The following PPP2R5B variants were observed in gnomAD, a reference collection of about 807,000 sequenced individuals.
The protein encoded by PPP2R5B is serine/threonine-protein phosphatase 2A 56 kDa regulatory subunit beta isoform.
PPP2R5B carries 19 observed loss-of-function variants against 59.9 expected under a neutral mutation model. That is an observed-to-expected ratio of 0.32 (90% CI 0.22 to 0.47). The LOEUF (loss-of-function observed/expected upper bound fraction) is 0.47, where lower values mean the gene tolerates loss of function less well. PPP2R5B is among the 20% of genes least tolerant of loss of function. The pLI is 1.00. For synonymous variants in PPP2R5B, 286 were observed against 260.5 expected (o/e 1.10, Z -0.94); for missense variants, 441 against 640.2 (o/e 0.69, Z 3.36).
Position 64,924,854 on chromosome 11 carries a change from G to T in PPP2R5B, c.-439G>T, listed in dbSNP as rs1489087464. On this transcript the variant is annotated 5_prime_UTR_variant, in exon 1 of 14. Transcript: ENST00000164133. ...GCCGAGCGCCCAGTCCCGGCCCGGG[G>T]CTGAGTTGGGGGCATGCTCTAGCCG... The T allele has an allele frequency of 6.6e-6, 1 of 152,356 alleles. No homozygotes were observed. The highest frequency in any genetic ancestry group is 1.5e-5 in the Non-Finnish European group (1 of 68,146). The allele number at this position is 152,356 out of a possible 1,614,324, so 9.4% of individuals were successfully genotyped here.
At chr11:64,926,641 G>C in intron 2 of PPP2R5B, 71 bp from the exon 3 acceptor site, 1 of 1,547,570 alleles carries the variant, frequency 6.5e-7, no homozygotes. Flanking sequence ...GATTAGGAGG[G>C]TCTGCCCCAC....
At chr11:64,928,605 C>T (rs1375114419) in intron 6 of PPP2R5B, among the ~76,000 whole-genome samples, 180 bp downstream of exon 6, 4 of 152,156 alleles carry the variant, frequency 2.6e-5, no homozygotes, top group Admixed American at 6.5e-5. Context: ...GGTGAAACCC[C>T]GTCTCTAATA....
chr11:64,919,525 G>A (rs1158618692), intron 1 of PPP2R5B, among the ~76,000 whole-genome samples: 1 of 151,588 alleles, frequency 6.6e-6, no homozygotes, highest in African/African-American at 2.4e-5. Context: ...GATCGCTTGA[G>A]CCCAGGAGTT....
intron 2 of PPP2R5B, 145 bp downstream of exon 2, chr11:64,926,078 C>A: frequency 1.2e-6 from 1 of 833,402 alleles, no homozygotes; most frequent in Non-Finnish European, 1.8e-6. Flanking sequence ...CAGAACTGAC[C>A]CCAGCCCTCC....
chr11:64,930,145 G>A (rs1476442604), intron 6 of PPP2R5B, among the ~76,000 whole-genome samples, 177 bp from the exon 7 acceptor site: 3 of 152,078 alleles, frequency 2.0e-5, no homozygotes, highest in Non-Finnish European at 4.4e-5. Context: ...TTTCAGTGTG[G>A]GGGGGCGGGG....
In PPP2R5B at chr11:64,932,852, T is replaced by C. The variant is rs1945241967; in HGVS notation, c.1204T>C (p.Phe402Leu). The change falls in exon 12 of 14, where the codon TTT becomes CTT. Residue 402 changes from phenylalanine (F) to leucine (L), a missense_variant. Coordinates refer to ENST00000164133, the MANE Select transcript of PPP2R5B (RefSeq NM_006244.4). ...CTGCCACACTGTGCTGCCTGCTGTG[T>C]TTGGGACCCTCTACCAAGTCTCCAA... ...DNCHTVLPAV[F>L]GTLYQVSKEH... The C allele has an allele frequency of 6.2e-7, 1 of 1,614,152 alleles. No homozygotes were observed.
chr11:64,919,769 T>C (rs1474494448), upstream of PPP2R5B, among the ~76,000 whole-genome samples: 2 of 151,828 alleles, frequency 1.3e-5, no homozygotes, highest in Non-Finnish European at 2.9e-5. Context: ...TAAGCCTGTG[T>C]GATGTCCTAG....
rs760561860 is a variant in PPP2R5B, at chr11:64,932,760, C to T, written c.1117-5C>T. On this transcript the variant is annotated splice_region_variant and splice_polypyrimidine_tract_variant and intron_variant, in intron 11 of 13. Coordinates refer to ENST00000164133, the MANE Select transcript of PPP2R5B (RefSeq NM_006244.4). ...TTAATCACTCTGCCATCTTGTCTGC[C>T]CCAGGTTGCAGAGCGGGCTCTGTAT... 5.0e-6 allele frequency: 8 copies of T among 1,613,298 alleles called. No individual in the cohort carries two copies. The East Asian group carries it at 1.6e-4, about 31-fold the overall frequency.
rs572294716 is a variant in PPP2R5B at position 64,930,232 on chromosome 11, C to T, written c.723-90C>T. 5.1e-5 allele frequency: 72 copies of T among 1,398,212 alleles called. No individual in the cohort carries two copies. The South Asian group carries it at 6.7e-4, about 13-fold the overall frequency. 86.6% of individuals were successfully genotyped at this position (1,398,212 alleles called of 1,614,324 possible). ...TTGGGGGAGAGTTGGATGAGCGTGCCGTGCAGGTGAGGGTGGGCAGGCAGG... is the reference window on the plus strand; with the variant it reads ...TTGGGGGAGAGTTGGATGAGCGTGCTGTGCAGGTGAGGGTGGGCAGGCAGG... On this transcript the variant is annotated intron_variant, in intron 6 of 13. Coordinates refer to ENST00000164133, the MANE Select transcript of PPP2R5B (RefSeq NM_006244.4).
rs780650472 is a variant in PPP2R5B, at chr11:64,931,600, C to A, written c.987C>A (p.Thr329=). 8 of 1,613,912 alleles carry A rather than the reference C, an allele frequency of 5.0e-6. No individual in the cohort carries two copies. The highest frequency in any genetic ancestry group is 5.1e-6 in the Non-Finnish European group (6 of 1,180,010). The change falls in exon 10 of 14, where the codon ACC becomes ACA. Residue 329 remains threonine (T), a synonymous_variant. Coordinates refer to ENST00000164133, the MANE Select transcript of PPP2R5B (RefSeq NM_006244.4). The surrounding 1 kb of genome is among the most constrained non-coding windows in gnomAD (Gnocchi z 5.0). The part of the protein sequence containing the change: ...GLLKYWPKTC[T]QKEVMFLGEM... ...TCAAATACTGGCCAAAAACCTGCAC[C>A]CAGAAGGAGGTATGAAGAAGGGCTT... is the stretch of plus-strand genomic sequence containing the variant.
Position 64,930,382 on chromosome 11 carries a change from G to T in PPP2R5B, c.782+1G>T. 6.2e-7 allele frequency: 1 copy of T among 1,614,044 alleles called. No individual in the cohort carries two copies. The highest frequency in any genetic ancestry group is 8.5e-7 in the Non-Finnish European group (1 of 1,179,940). The stretch of plus-strand genomic sequence containing the variant: ...CTGAGCTGCTGGAGATCCTAGGAAG[G>T]TGATTCTCCCTGGGCCTCAGCTGGA... On this transcript the variant is annotated splice_donor_variant, in intron 7 of 13. Coordinates refer to ENST00000164133, the MANE Select transcript of PPP2R5B (RefSeq NM_006244.4). LOFTEE classifies it high-confidence loss of function.
At chr11:64,922,845 A>T (rs892107354), upstream of PPP2R5B, 2 of 151,940 alleles carry the variant, frequency 1.3e-5, no homozygotes, top group African/African-American at 4.8e-5. Context: ...ACTGCACTCC[A>T]GCCTGGGCAA....
In PPP2R5B at chr11:64,933,795, C is replaced by G; in HGVS notation, c.1445C>G (p.Pro482Arg). The G allele has an allele frequency of 3.2e-6, 5 of 1,553,400 alleles. No homozygotes were observed. The highest frequency in any genetic ancestry group is 3.5e-6 in the Non-Finnish European group (4 of 1,148,142). The change falls in exon 14 of 14, where the codon CCC (proline) becomes CGC (arginine). Residue 482 changes from proline to arginine, a missense_variant. Transcript: ENST00000164133. ...GGGACCCAGGGGGCCAAGGAGGCCC[C>G]CCTCCAGCGGCTTACACCCCAGGTG... The part of the protein sequence containing the change: ...LQGTQGAKEA[P>R]LQRLTPQVAA...
Position 64,929,375 on chromosome 11 carries a change from C to T in PPP2R5B, c.723-947C>T, listed in dbSNP as rs919625573. Among the ~76,000 whole-genome samples, 10 of 152,258 alleles carry T rather than the reference C, an allele frequency of 6.6e-5. No individual in the cohort carries two copies. In the East Asian group the frequency reaches 1.5e-3, roughly 24 times the overall value. Reference sequence around the variant, plus strand: ...GGCCTACATTTGAGTTTGGTTCCAACGTTTGGGTGAACTTTGGCAAATTAC... The same window carrying T: ...GGCCTACATTTGAGTTTGGTTCCAATGTTTGGGTGAACTTTGGCAAATTAC... On this transcript the variant is annotated intron_variant, in intron 6 of 13. Transcript: ENST00000164133.
Position 64,925,587 on chromosome 11 carries a change from T to TGG in PPP2R5B, c.-140_-139dup. The TGG allele has an allele frequency of 1.2e-5, 6 of 505,244 alleles. No individual in the cohort carries two copies. The highest frequency in any genetic ancestry group is 2.1e-5 in the African/African-American group (1 of 48,436). The allele number at this position is 505,244 out of a possible 1,614,324, so 31.3% of individuals were successfully genotyped here. On this transcript the variant is annotated 5_prime_UTR_variant, in exon 2 of 14. Coordinates refer to ENST00000164133, the MANE Select transcript of PPP2R5B (RefSeq NM_006244.4). This position sits in a 1 kb window ranked among gnomAD's most constrained non-coding sequence, Gnocchi z 4.6. ...AGGACTGGGCAGTTGCAGGAGGCCC[T>TGG]GGGGGGGGGCCCAGGACTGTGGTTG...
upstream of PPP2R5B, among the ~76,000 whole-genome samples, chr11:64,923,581 C>T (rs1332219502): frequency 1.3e-5 from 2 of 152,138 alleles, no homozygotes; most frequent in South Asian, 2.1e-4. Flanking sequence ...CTTTGGTAGG[C>T]GGACACCTCT....
intron 6 of PPP2R5B, among the ~76,000 whole-genome samples, chr11:64,929,669 T>C (rs1945207220): frequency 6.6e-6 from 1 of 152,176 alleles, no homozygotes. Context: ...GAGGTTGCAG[T>C]GAGCCAAGAT....
Position 64,931,684 on chromosome 11 carries a change from G to T in PPP2R5B, c.997-65G>T. ...GCCTCTAGAAGGCAGTCAGGTGTGTGTATGTGTAGGGGGAGATGTGAGCTG... is the reference window on the plus strand; with the variant it reads ...GCCTCTAGAAGGCAGTCAGGTGTGTTTATGTGTAGGGGGAGATGTGAGCTG... On this transcript the variant is annotated intron_variant, in intron 10 of 13. Transcript: ENST00000164133. This position sits in a 1 kb window ranked among gnomAD's most constrained non-coding sequence, Gnocchi z 5.0. The T allele has an allele frequency of 6.2e-7, 1 of 1,614,000 alleles. No homozygotes were observed. The highest frequency in any genetic ancestry group is 1.1e-5 in the South Asian group (1 of 91,076).
chr11:64,932,993 A>C, intron 12 of PPP2R5B, 101 bp downstream of exon 12: 2 of 1,550,368 alleles, frequency 1.3e-6, no homozygotes, highest in South Asian at 2.3e-5. Flanking sequence ...TATCAGAGAA[A>C]GCATCAAAAG....
Sources: allele counts gnomAD v4.1 joint callset (sites outside exome capture counted in the v4.1 genomes callset), GRCh38; gene constraint gnomAD v4.1.1; non-coding constraint Gnocchi (gnomAD v3.1); transcripts MANE v1.5; gene names NCBI Gene and HGNC (gene_info 2026-07-23, HGNC 2026-07-21).